PPP2R3A: variants seen among roughly 807,000 people sequenced by gnomAD.
PPP2R3A encodes the protein protein phosphatase 2 regulatory subunit B''alpha, also known as serine/threonine-protein phosphatase 2A regulatory subunit B'' subunit alpha.
In PPP2R3A, 80 loss-of-function variants were observed where a neutral mutation model predicts 106.9. The observed-to-expected ratio is 0.75, with a 90% CI of 0.62 to 0.90. The LOEUF is 0.90. PPP2R3A is among the 40% of genes least tolerant of loss of function. The pLI, the probability that PPP2R3A is intolerant of heterozygous loss-of-function variation, is 0.00. For missense variants in PPP2R3A, 1,386 were observed against 1,350.4 expected (o/e 1.03, Z -0.41); for synonymous variants, 483 against 468.3 (o/e 1.03, Z -0.41).
chr3:136,145,198 T>C lies in PPP2R3A; in HGVS notation c.*32T>C, dbSNP rs760058823. 8.2e-6 allele frequency: 13 copies of C among 1,583,878 alleles called. No individual in the cohort carries two copies. The highest frequency in any genetic ancestry group is 1.1e-5 in the Non-Finnish European group (13 of 1,169,146). On this transcript the variant is annotated 3_prime_UTR_variant, in exon 14 of 14. Coordinates refer to ENST00000264977, the MANE Select transcript of PPP2R3A (RefSeq NM_002718.5). ...GTGTCTACAATGAAACGAAGATGTG[T>C]ATTTTAAATGTTTCTTTCTTGTGAA...
chr3:136,090,853 T>C (rs1328897522), intron 10 of PPP2R3A, among the ~76,000 whole-genome samples, 186 bp downstream of exon 10: 1 of 152,214 alleles, frequency 6.6e-6, no homozygotes, highest in Non-Finnish European at 1.5e-5. Context: ...GTTCATGGCA[T>C]ATCAAGAGAA....
At chr3:136,032,480 C>T (rs930866791) in intron 3 of PPP2R3A, among the ~76,000 whole-genome samples, 1 of 150,398 alleles carries the variant, frequency 6.6e-6, no homozygotes, top group Non-Finnish European at 1.5e-5. Context: ...CAGCAAACAG[C>T]GAGAATTTGA....
intron 5 of PPP2R3A, among the ~76,000 whole-genome samples, chr3:136,062,729 A>G (rs1034266206): frequency 6.8e-4 from 103 of 152,130 alleles, no homozygotes; most frequent in African/African-American, 2.4e-3. Flanking sequence ...AAAAAAAAAA[A>G]AAAAGAATAA....
At chr3:136,118,890 C>CA (rs1559930794) in intron 13 of PPP2R3A, among the ~76,000 whole-genome samples, 1 of 152,022 alleles carries the variant, frequency 6.6e-6, no homozygotes, top group Admixed American at 6.6e-5. Context: ...CATATGGAAC[C>CA]AAAAAAGAGC....
intron 1 of PPP2R3A, among the ~76,000 whole-genome samples, chr3:135,970,010 G>A (rs1937199258): frequency 6.6e-6 from 1 of 152,206 alleles, no homozygotes; most frequent in Non-Finnish European, 1.5e-5. Context: ...AGAGAGCATA[G>A]AACAGTGTTC....
chr3:136,128,931 C>T (rs1012585142), intron 13 of PPP2R3A, among the ~76,000 whole-genome samples: 14 of 152,000 alleles, frequency 9.2e-5, no homozygotes, highest in Admixed American at 5.9e-4. Context: ...GGGTACATAA[C>T]GAAATGAAGG....
At chr3:136,038,240 CACTTG>C (rs1935151018) in intron 3 of PPP2R3A, among the ~76,000 whole-genome samples, 1 of 152,076 alleles carries the variant, frequency 6.6e-6, no homozygotes, top group Non-Finnish European at 1.5e-5. Flanking sequence ...TGCTGTATAA[CACTTG>C]GCTACTCAGG....
intron 3 of PPP2R3A, among the ~76,000 whole-genome samples, chr3:136,033,405 T>A (rs1934974986): frequency 6.6e-6 from 1 of 152,238 alleles, no homozygotes; most frequent in Non-Finnish European, 1.5e-5. Flanking sequence ...CTTCATAGAA[T>A]GAATTAGGGA....
intron 1 of PPP2R3A, among the ~76,000 whole-genome samples, chr3:135,997,093 C>A (rs1465662762): frequency 6.6e-6 from 1 of 152,150 alleles, no homozygotes; most frequent in Non-Finnish European, 1.5e-5. Flanking sequence ...GCTCAAATAT[C>A]TTCTGTCCTT....
chr3:136,023,541 A>G (rs1281681052), intron 2 of PPP2R3A, among the ~76,000 whole-genome samples: 1 of 152,146 alleles, frequency 6.6e-6, no homozygotes, highest in Non-Finnish European at 1.5e-5. Flanking sequence ...TTTCATAGAA[A>G]TATCCTTGAG....
chr3:136,068,219 T>C (rs1037021614), intron 5 of PPP2R3A, among the ~76,000 whole-genome samples: 1 of 152,042 alleles, frequency 6.6e-6, no homozygotes, highest in Non-Finnish European at 1.5e-5. Flanking sequence ...CCCTGTCTCA[T>C]TTATAAAAAG....
At chr3:136,052,689 AACAG>A (rs1935723899) in intron 5 of PPP2R3A, among the ~76,000 whole-genome samples, 1 of 152,232 alleles carries the variant, frequency 6.6e-6, no homozygotes. Flanking sequence ...GAAAATTAGA[AACAG>A]ACAACAACAA....
At chr3:135,973,204 A>G (rs1937295064) in intron 1 of PPP2R3A, among the ~76,000 whole-genome samples, 1 of 152,208 alleles carries the variant, frequency 6.6e-6, no homozygotes. Context: ...GATTTATGCA[A>G]GTCTGAGACT....
intron 13 of PPP2R3A, among the ~76,000 whole-genome samples, chr3:136,139,302 G>C (rs1163811821): frequency 6.6e-6 from 1 of 152,166 alleles, no homozygotes; most frequent in African/African-American, 2.4e-5. Context: ...ATCTGAAAGG[G>C]AAGACTTACT....
intron 4 of PPP2R3A, among the ~76,000 whole-genome samples, chr3:136,048,687 A>T (rs76081025): frequency 6.6e-6 from 1 of 151,910 alleles, no homozygotes; most frequent in African/African-American, 2.4e-5. Flanking sequence ...AAAAAAAAAA[A>T]GCTGGGACTT....
intron 13 of PPP2R3A, among the ~76,000 whole-genome samples, chr3:136,136,045 CAAAAAAAAAAAAAAAAA>C (rs34558229): frequency 4.5e-5 from 1 of 22,364 alleles, no homozygotes; most frequent in South Asian, 2.4e-3. Flanking sequence ...GACTCCGTCT[CAAAAAAAAAAAAAAAAA>C]AAAAAAAAAA....
intron 1 of PPP2R3A, among the ~76,000 whole-genome samples, chr3:135,990,556 TA>T (rs1933117371): frequency 6.6e-6 from 1 of 152,178 alleles, no homozygotes; most frequent in Non-Finnish European, 1.5e-5. Flanking sequence ...AAAGTCCTTT[TA>T]AAAATAAATC....
intron 2 of PPP2R3A, 99 bp downstream of exon 2, chr3:136,003,592 C>T: frequency 3.6e-6 from 4 of 1,103,068 alleles, no homozygotes; most frequent in South Asian, 1.7e-5. Context: ...ATTTTTTGTT[C>T]TACTAAAGCT....
intron 1 of PPP2R3A, among the ~76,000 whole-genome samples, chr3:135,969,606 G>A (rs549052491): frequency 4.6e-5 from 7 of 152,294 alleles, no homozygotes; most frequent in Middle Eastern, 3.4e-3. Context: ...CTAAACTGGA[G>A]GCACGAATTT....
Sources: gnomAD v4.1 joint callset for allele counts (sites outside exome capture counted in the v4.1 genomes callset) on GRCh38, gnomAD v4.1.1 for gene constraint, MANE v1.5 for transcripts, NCBI Gene and HGNC (gene_info 2026-07-23, HGNC 2026-07-21) for gene names.